Variants in DOCK2 observed in about 807,000 individuals in gnomAD.
The protein encoded by DOCK2 is dedicator of cytokinesis protein 2.
Under a neutral mutation model 248.9 loss-of-function variants are expected in DOCK2, and 87 were observed. The observed-to-expected ratio is 0.35, with a 90% CI of 0.29 to 0.42. The LOEUF is 0.42. DOCK2 is among the 10% of genes least tolerant of loss of function. The pLI is 1.00. For missense variants in DOCK2, 1,747 were observed against 2,300.2 expected, an observed-to-expected ratio of 0.76 and a Z score of 4.92; for synonymous variants, 805 against 821.6, an observed-to-expected ratio of 0.98 and a Z score of 0.35.
chr5:170,041,667 A>T (rs1430707260), intron 37 of DOCK2, among the ~76,000 whole-genome samples: 1 of 152,244 alleles, frequency 6.6e-6, no homozygotes, highest in Non-Finnish European at 1.5e-5. Context: ...CACCCAGGAC[A>T]GGCAGGGGGA....
chr5:169,993,863 G>A (rs1319697916), intron 29 of DOCK2, among the ~76,000 whole-genome samples: 1 of 151,758 alleles, frequency 6.6e-6, no homozygotes, highest in Admixed American at 6.6e-5. Context: ...AATCAGTGAG[G>A]GGCTACAGCT....
In DOCK2 at chr5:169,818,248, A is replaced by G. The variant is rs111775752; in HGVS notation, c.2703+15042A>G. Among the ~76,000 whole-genome samples, 460 of 152,312 alleles carry G rather than the reference A, an allele frequency of 3.0e-3. 5 individuals are homozygous for G. Among genetic ancestry groups the G allele is most frequent in the African/African-American group, 0.011 (444 of 41,562 alleles). On this transcript the variant is annotated intron_variant, in intron 26 of 51. Transcript: ENST00000520908. ...ACCTGACAATCACCACACTGTGCCC[A>G]GCTTTACGATGTCTGTTTTCTCATC...
At chr5:169,899,678 T>C (rs1773809828) in intron 27 of DOCK2, among the ~76,000 whole-genome samples, 1 of 152,150 alleles carries the variant, frequency 6.6e-6, no homozygotes, top group Admixed American at 6.5e-5. Context: ...ATACCACGTT[T>C]TGTTGGGAGA....
intron 27 of DOCK2, among the ~76,000 whole-genome samples, chr5:169,956,040 A>G (rs983494981): frequency 1.2e-4 from 16 of 134,662 alleles, no homozygotes; most frequent in African/African-American, 4.4e-4. Flanking sequence ...CATAGATTTG[A>G]AAAAAAAAAA....
At chr5:169,783,390 CG>C (rs1425576161) in intron 25 of DOCK2, among the ~76,000 whole-genome samples, 5 of 152,090 alleles carry the variant, frequency 3.3e-5, no homozygotes, top group Non-Finnish European at 5.9e-5. Flanking sequence ...TTGTATTCAT[CG>C]GTGACTTTGG....
chr5:169,853,426 CT>C (rs1184037788), intron 27 of DOCK2, among the ~76,000 whole-genome samples: 1 of 152,188 alleles, frequency 6.6e-6, no homozygotes, highest in African/African-American at 2.4e-5. Flanking sequence ...TCAAATGATC[CT>C]TCAAAATCAA....
intron 27 of DOCK2, among the ~76,000 whole-genome samples, chr5:169,857,850 C>G (rs912726877): frequency 1.3e-5 from 2 of 151,720 alleles, no homozygotes; most frequent in African/African-American, 4.8e-5. Flanking sequence ...TATGAAATAA[C>G]TTGAATGCAG....
intron 19 of DOCK2, 42 bp from the exon 20 acceptor site, chr5:169,716,171 G>T (rs551984259): frequency 6.3e-7 from 1 of 1,575,232 alleles, no homozygotes; most frequent in Non-Finnish European, 8.7e-7. Context: ...CCTGTACTTT[G>T]TCTTGTTTCT....
intron 25 of DOCK2, among the ~76,000 whole-genome samples, chr5:169,790,017 G>A (rs1766228482): frequency 6.6e-6 from 1 of 152,144 alleles, no homozygotes; most frequent in South Asian, 2.1e-4. Context: ...TAAATGAGAG[G>A]AGCTTCAGCC....
At chr5:169,872,321 C>T (rs1200686514) in intron 27 of DOCK2, among the ~76,000 whole-genome samples, 2 of 152,194 alleles carry the variant, frequency 1.3e-5, no homozygotes, top group Non-Finnish European at 2.9e-5. Flanking sequence ...CTTTGGAAGG[C>T]ATCTCTGGGG....
chr5:169,900,667 G>A (rs1773873502), intron 27 of DOCK2, among the ~76,000 whole-genome samples: 1 of 152,132 alleles, frequency 6.6e-6, no homozygotes, highest in African/African-American at 2.4e-5. Flanking sequence ...AGTATTACAT[G>A]CTTTGGATGA....
At position 169,855,312 on chromosome 5, in the gene DOCK2, T is replaced by C. The variant is rs74844975; in HGVS notation, c.2799+14460T>C. Among the ~76,000 whole-genome samples, 516 of 152,306 alleles carry C rather than the reference T, an allele frequency of 3.4e-3. 5 individuals carry two copies. Among genetic ancestry groups the C allele is most frequent in the African/African-American group, 0.012 (503 of 41,566 alleles). On this transcript the variant is annotated intron_variant, in intron 27 of 51. Transcript: ENST00000520908. ...TTTCCTCTAAATTAAAATTATTTCC[T>C]GTGGTAGATAGGTAATGGAATAGTG... is the stretch of plus-strand genomic sequence containing the variant.
chr5:169,969,804 C>T (rs1181367415), intron 27 of DOCK2, among the ~76,000 whole-genome samples: 1 of 152,212 alleles, frequency 6.6e-6, no homozygotes, highest in Non-Finnish European at 1.5e-5. Flanking sequence ...TGAGGCCAGG[C>T]CTTGCCTGCC....
chr5:169,809,286 C>T (rs1407928031), intron 26 of DOCK2, among the ~76,000 whole-genome samples: 4 of 152,168 alleles, frequency 2.6e-5, no homozygotes, highest in African/African-American at 7.2e-5. Flanking sequence ...CCACTGCGCC[C>T]GGCCAGGTTT....
chr5:169,995,684 C>G (rs142554416), intron 29 of DOCK2, among the ~76,000 whole-genome samples: 1 of 151,972 alleles, frequency 6.6e-6, no homozygotes, highest in African/African-American at 2.4e-5. Flanking sequence ...GTAGGGAGAC[C>G]CTTGAAATTA....
rs79647462 is a variant in DOCK2, at chr5:169,783,929, C to A, written c.2555-19129C>A. Among the ~76,000 whole-genome samples the A allele has an allele frequency of 6.0e-3, 917 of 152,252 alleles. 9 individuals are homozygous for A. The highest frequency in any genetic ancestry group is 0.021 in the African/African-American group (871 of 41,542). On this transcript the variant is annotated intron_variant, in intron 25 of 51. Coordinates refer to ENST00000520908, the MANE Select transcript of DOCK2 (RefSeq NM_004946.3). ...TGTCTCCTAGGAAGGCGGAGATAAA[C>A]CTGATAGTTTGAAATTAGCACCCTC... is the stretch of plus-strand genomic sequence containing the variant.
chr5:169,708,870 C>T (rs1184432556), intron 15 of DOCK2, among the ~76,000 whole-genome samples: 1 of 152,184 alleles, frequency 6.6e-6, no homozygotes, highest in Non-Finnish European at 1.5e-5. Flanking sequence ...CAGCCTTCTT[C>T]CTTTTAATGA....
intron 2 of DOCK2, among the ~76,000 whole-genome samples, chr5:169,654,874 T>G (rs906051275): frequency 1.3e-5 from 2 of 152,120 alleles, no homozygotes; most frequent in African/African-American, 4.8e-5. Context: ...TGCACAGTTG[T>G]GTTGTTTGTT....
intron 28 of DOCK2, among the ~76,000 whole-genome samples, chr5:169,984,149 T>C (rs1261274582): frequency 6.6e-6 from 1 of 152,184 alleles, no homozygotes; most frequent in Non-Finnish European, 1.5e-5. Flanking sequence ...TTCACAACTC[T>C]ACAATCTGCT....
Sources: allele counts gnomAD v4.1 joint callset (sites outside exome capture counted in the v4.1 genomes callset), GRCh38; gene constraint gnomAD v4.1.1; transcripts MANE v1.5; gene names NCBI Gene and HGNC (gene_info 2026-07-23, HGNC 2026-07-21).